PCDHAC1: variants seen among roughly 807,000 people sequenced by gnomAD.
PCDHAC1 encodes protocadherin alpha subfamily C, 1.
PCDHAC1 carries 42 observed loss-of-function variants against 60.0 expected under a neutral mutation model. The ratio of observed to expected loss-of-function variants is 0.70; its 90% CI spans 0.55 to 0.90. PCDHAC1 has a LOEUF of 0.90. Among genes scored for constraint, PCDHAC1 ranks in the 40% least tolerant of loss-of-function variants. PCDHAC1 has a pLI of 0.00. For missense variants in PCDHAC1, 1,160 were observed against 1,222.3 expected (o/e 0.95, Z 0.76); for synonymous variants, 468 against 499.3 (o/e 0.94, Z 0.84).
chr5:140,970,248 A>G (rs1385121881), intron 1 of PCDHAC1, among the ~76,000 whole-genome samples: 1 of 152,142 alleles, frequency 6.6e-6, no homozygotes, highest in Non-Finnish European at 1.5e-5. Context: ...TTCTGTTGAC[A>G]GTTTCTATGG....
Position 140,928,699 on chromosome 5 carries a change from G to C in PCDHAC1, c.1807G>C (p.Ala603Pro), listed in dbSNP as rs782291734. The change falls in exon 1 of 4, where the codon GCG becomes CCG. Residue 603 changes from alanine to proline, a missense_variant. Physicochemically the swap from Ala to Pro is conservative, Grantham distance 27 (BLOSUM62 -1). Coordinates refer to ENST00000253807, the MANE Select transcript of PCDHAC1 (RefSeq NM_018898.5). ...CTGGCTTTCCTACCACATCTCCCGG[G>C]CGTCTGACTCTAGTCTCTTTAGAAT... ...NAWLSYHISR[A>P]SDSSLFRISA... is the part of the protein sequence containing the mutation. The C allele has an allele frequency of 1.2e-6, 2 of 1,614,170 alleles. No homozygotes were observed. The highest frequency in any genetic ancestry group is 2.2e-5 in the East Asian group (1 of 44,882).
At chr5:140,994,474 G>A (rs545568699) in intron 3 of PCDHAC1, among the ~76,000 whole-genome samples, 27 of 152,078 alleles carry the variant, frequency 1.8e-4, no homozygotes, top group Non-Finnish European at 2.9e-4. Flanking sequence ...AGGCTGAGGC[G>A]GGTGGATTGC....
rs145253621 is a variant in PCDHAC1, at chr5:140,991,776, T to A, written c.2581+9213T>A. 4.1e-3 allele frequency among the ~76,000 whole-genome samples: 632 copies of A among 152,312 alleles called. 6 individuals carry two copies. Among genetic ancestry groups the A allele is most frequent in the South Asian group, 0.036 (174 of 4,822 alleles). ...CATGCTCTTCAAAATTCTTCTAGACTCTGCCCATTTCCCAATCTCAAGGCC... is the reference window on the plus strand; with the variant it reads ...CATGCTCTTCAAAATTCTTCTAGACACTGCCCATTTCCCAATCTCAAGGCC... On this transcript the variant is annotated intron_variant, in intron 3 of 3. Coordinates refer to ENST00000253807, the MANE Select transcript of PCDHAC1 (RefSeq NM_018898.5).
chr5:140,987,474 G>A (rs114440148), intron 3 of PCDHAC1, among the ~76,000 whole-genome samples: 307 of 152,240 alleles, frequency 2.0e-3, no homozygotes, highest in African/African-American at 7.1e-3. Context: ...CTCAAGCTTG[G>A]GAGTCAGTGA....
intron 1 of PCDHAC1, among the ~76,000 whole-genome samples, chr5:140,951,684 A>G (rs1392497741): frequency 3.3e-5 from 5 of 152,144 alleles, no homozygotes; most frequent in African/African-American, 1.2e-4. Flanking sequence ...GGGGATTACA[A>G]TGTGACATGA....
chr5:140,979,053 T>A (rs1429544807), intron 2 of PCDHAC1, 46 bp downstream of exon 2: 3 of 1,610,104 alleles, frequency 1.9e-6, no homozygotes, highest in Admixed American at 3.4e-5. Context: ...CTTAACTTGG[T>A]ATGGCTCAGA....
At position 140,928,643 on chromosome 5, in the gene PCDHAC1, T is replaced by C. The variant is rs2085399261; in HGVS notation, c.1751T>C (p.Val584Ala). Residue 584 changes from valine to alanine, a missense_variant, in exon 1 of 4, where the codon GTA becomes GCA. Transcript: ENST00000253807. ...ARTGHLVTKVVAEDADSGSNA... is the reference protein window; with the variant it reads ...ARTGHLVTKVAAEDADSGSNA... ...ACTGGACACTTGGTCACAAAAGTGG[T>C]AGCAGAGGATGCTGACAGTGGTTCT... 4.3e-6 allele frequency: 7 copies of C among 1,614,222 alleles called. No homozygotes were observed. The highest frequency in any genetic ancestry group is 5.9e-6 in the Non-Finnish European group (7 of 1,180,038).
intron 1 of PCDHAC1, chr5:140,967,578 C>T (rs868970551): frequency 1.9e-6 from 3 of 1,614,000 alleles, no homozygotes; most frequent in Non-Finnish European, 2.5e-6. Flanking sequence ...GAGGACTCAC[C>T]CCCAGGCACA....
intron 3 of PCDHAC1, among the ~76,000 whole-genome samples, chr5:141,008,980 A>C (rs533099581): frequency 6.6e-6 from 1 of 152,374 alleles, no homozygotes; most frequent in African/African-American, 2.4e-5. Context: ...GCCAAAGTTT[A>C]ATCTAGACAC....
chr5:140,965,424 G>A (rs2095899424), intron 1 of PCDHAC1, among the ~76,000 whole-genome samples: 1 of 152,086 alleles, frequency 6.6e-6, no homozygotes, highest in African/African-American at 2.4e-5. Flanking sequence ...AGGAAGATAA[G>A]CTGCAGTCAT....
At chr5:140,958,301 TA>T (rs2095417556) in intron 1 of PCDHAC1, among the ~76,000 whole-genome samples, 1 of 152,248 alleles carries the variant, frequency 6.6e-6, no homozygotes, top group African/African-American at 2.4e-5. Flanking sequence ...TGAACTTAAT[TA>T]AAATAAATTA....
At chr5:140,972,660 ATTTTT>A (rs11350929) in intron 1 of PCDHAC1, among the ~76,000 whole-genome samples, 2 of 117,266 alleles carry the variant, frequency 1.7e-5, no homozygotes, top group African/African-American at 3.3e-5. Flanking sequence ...AAGAAACCAA[ATTTTT>A]TTTTTTTTTT....
chr5:140,976,507 C>T (rs868949957), intron 1 of PCDHAC1, among the ~76,000 whole-genome samples: 2 of 151,968 alleles, frequency 1.3e-5, no homozygotes, highest in African/African-American at 4.8e-5. Context: ...GCCAAGATCG[C>T]GCCACTGCAC....
chr5:140,928,785 G>A lies in PCDHAC1; in HGVS notation c.1893G>A (p.Lys631=). The change falls in exon 1 of 4, where the codon AAG becomes AAA. Residue 631 remains lysine, a synonymous_variant. Coordinates refer to ENST00000253807, the MANE Select transcript of PCDHAC1 (RefSeq NM_018898.5). The part of the protein sequence containing the change: ...ARLVLPTDAV[K]QRVVVVVRDH... ...TAGTTCTTCCCACTGATGCAGTTAA[G>A]CAGAGGGTGGTGGTAGTGGTTCGGG... The A allele has an allele frequency of 6.2e-7, 1 of 1,614,144 alleles. No individual in the cohort carries two copies. The highest frequency in any genetic ancestry group is 1.6e-4 in the Middle Eastern group (1 of 6,062).
intron 2 of PCDHAC1, among the ~76,000 whole-genome samples, chr5:140,980,905 A>G (rs182283088): frequency 1.5e-4 from 23 of 152,274 alleles, no homozygotes; most frequent in Admixed American, 1.4e-3. Context: ...ACATCATGTA[A>G]CTATTCTTTA....
intron 3 of PCDHAC1, among the ~76,000 whole-genome samples, chr5:140,994,520 T>C (rs2097631658): frequency 6.8e-6 from 1 of 147,840 alleles, no homozygotes; most frequent in African/African-American, 2.6e-5. Context: ...CTGGGCAACA[T>C]GGCAAAACCC....
At chr5:140,967,844 G>A in intron 1 of PCDHAC1, 1 of 1,614,178 alleles carries the variant, frequency 6.2e-7, no homozygotes, top group Non-Finnish European at 8.5e-7. Flanking sequence ...GGACGTGAAT[G>A]ACAATGCCCC....
chr5:141,001,020 TATA>T (rs539315208), intron 3 of PCDHAC1, among the ~76,000 whole-genome samples: 5 of 152,250 alleles, frequency 3.3e-5, no homozygotes, highest in Non-Finnish European at 5.9e-5. Context: ...GATATACACT[TATA>T]ATAATAGCTT....
rs781970935 is a variant in PCDHAC1 at position 140,982,505 on chromosome 5, A to G, written c.2523A>G (p.Leu841=). The change falls in exon 3 of 4, where the codon CTA becomes CTG. Residue 841 remains leucine (L), a synonymous_variant. Coordinates refer to ENST00000253807, the MANE Select transcript of PCDHAC1 (RefSeq NM_018898.5). ...TGCACCTAGAGGAGGCTGGCATTCT[A>G]CGGGCTGGTCCAGGAGGGCCTGATC... ...SSVHLEEAGI[L]RAGPGGPDQQ... The G allele has an allele frequency of 1.2e-6, 2 of 1,614,220 alleles. No homozygotes were observed. The highest frequency in any genetic ancestry group is 8.5e-7 in the Non-Finnish European group (1 of 1,180,032).
Sources: allele counts gnomAD v4.1 joint callset (sites outside exome capture counted in the v4.1 genomes callset), GRCh38; gene constraint gnomAD v4.1.1; transcripts MANE v1.5; gene names NCBI Gene and HGNC (gene_info 2026-07-23, HGNC 2026-07-21).